SORCS2: variants seen among roughly 807,000 people sequenced by gnomAD.
SORCS2 encodes the protein VPS10 domain-containing receptor SorCS2.
In SORCS2, 100 loss-of-function variants were observed where a neutral mutation model predicts 141.6. The ratio of observed to expected loss-of-function variants is 0.71; its 90% CI spans 0.60 to 0.83. SORCS2 has a LOEUF of 0.83. Ranked by LOEUF, SORCS2 falls within the 40% of genes least tolerant of loss-of-function variation. The probability of loss-of-function intolerance (pLI) is 0.00; values close to 1 mark genes in which losing one functional copy is unlikely to be tolerated. For synonymous variants in SORCS2, 789 were observed against 676.9 expected, an observed-to-expected ratio of 1.17 and a Z score of -2.57; for missense variants, 1,646 against 1,560.2, an observed-to-expected ratio of 1.05 and a Z score of -0.93.
At chr4:7,682,682 A>G (rs955200340) in intron 9 of SORCS2, 61 bp from the exon 10 acceptor site, 1 of 1,515,226 alleles carries the variant, frequency 6.6e-7, no homozygotes, top group Middle Eastern at 1.7e-4. Context: ...AGCATGGTGG[A>G]TACTTGGTCA....
At chr4:7,471,365 A>G (rs1248982457) in intron 2 of SORCS2, among the ~76,000 whole-genome samples, 1 of 152,208 alleles carries the variant, frequency 6.6e-6, no homozygotes, top group African/African-American at 2.4e-5. Context: ...TATCTTTTCA[A>G]TTAAATCCTC....
intron 1 of SORCS2, among the ~76,000 whole-genome samples, chr4:7,328,018 CTTTTTT>C (rs60976971): frequency 4.5e-5 from 4 of 88,754 alleles, no homozygotes; most frequent in Non-Finnish European, 6.7e-5. Context: ...TCGTGCTAGG[CTTTTTT>C]TTTTTTTTTT....
chr4:7,653,196 C>A (rs1423143094), intron 4 of SORCS2, among the ~76,000 whole-genome samples: 1 of 152,232 alleles, frequency 6.6e-6, no homozygotes, highest in Non-Finnish European at 1.5e-5. Flanking sequence ...TCAGCCCAAC[C>A]CATGCTCTCT....
chr4:7,319,086 G>A (rs1261770380), intron 1 of SORCS2, among the ~76,000 whole-genome samples: 6 of 152,152 alleles, frequency 3.9e-5, no homozygotes, highest in African/African-American at 7.2e-5. Context: ...TTACTGAGGA[G>A]CAGTATTCCA....
chr4:7,409,722 G>A (rs1423543505), intron 2 of SORCS2, among the ~76,000 whole-genome samples: 1 of 152,208 alleles, frequency 6.6e-6, no homozygotes, highest in Non-Finnish European at 1.5e-5. Context: ...GGATGTGGAA[G>A]TCCAATTTTC....
chr4:7,539,251 C>T (rs548665350), intron 3 of SORCS2, among the ~76,000 whole-genome samples: 8 of 152,320 alleles, frequency 5.3e-5, no homozygotes, highest in African/African-American at 1.9e-4. Context: ...GGCACAGATC[C>T]TGGAGCTGTG....
At chr4:7,627,200 G>C (rs1001275256) in intron 3 of SORCS2, among the ~76,000 whole-genome samples, 72 of 152,232 alleles carry the variant, frequency 4.7e-4, no homozygotes, top group African/African-American at 1.7e-3. Context: ...GCCCAGGCTG[G>C]TCTCAAACTC....
At chr4:7,321,384 A>G (rs1718884612) in intron 1 of SORCS2, among the ~76,000 whole-genome samples, 1 of 152,166 alleles carries the variant, frequency 6.6e-6, no homozygotes, top group South Asian at 2.1e-4. Context: ...TTAAGACTCC[A>G]CCAAAAGACT....
intron 2 of SORCS2, among the ~76,000 whole-genome samples, chr4:7,494,208 C>T (rs962545822): frequency 3.9e-5 from 6 of 152,330 alleles, no homozygotes; most frequent in South Asian, 2.1e-4. Flanking sequence ...ACTTCCCATA[C>T]GATGACAGAC....
chr4:7,198,455 A>C (rs927446025), intron 1 of SORCS2, among the ~76,000 whole-genome samples: 3 of 151,926 alleles, frequency 2.0e-5, no homozygotes, highest in Non-Finnish European at 4.4e-5. Context: ...GCTGTGCGTT[A>C]CTCTGGAATT....
intron 3 of SORCS2, among the ~76,000 whole-genome samples, chr4:7,594,620 T>A (rs1717138494): frequency 6.6e-6 from 1 of 152,028 alleles, no homozygotes; most frequent in African/African-American, 2.4e-5. Flanking sequence ...CTTCTCTCCC[T>A]CCCTTCCTAA....
At chr4:7,631,667 G>A (rs1159702579) in intron 3 of SORCS2, among the ~76,000 whole-genome samples, 1 of 152,122 alleles carries the variant, frequency 6.6e-6, no homozygotes, top group Non-Finnish European at 1.5e-5. Context: ...AAATCCCATG[G>A]GGTTCAGCTC....
intron 3 of SORCS2, among the ~76,000 whole-genome samples, chr4:7,570,493 T>C (rs938649349): frequency 6.6e-6 from 1 of 152,346 alleles, no homozygotes; most frequent in African/African-American, 2.4e-5. Context: ...GACCTTGGTG[T>C]GTGTCCCCAT....
intron 1 of SORCS2, among the ~76,000 whole-genome samples, chr4:7,195,171 GGTGT>G (rs59264911): frequency 0.035 from 4,931 of 142,556 alleles, 78 homozygotes; most frequent in Non-Finnish European, 0.044. Context: ...ACTGCTGGCA[GGTGT>G]GTGTGTGTGT....
intron 3 of SORCS2, among the ~76,000 whole-genome samples, chr4:7,635,073 G>A (rs982247722): frequency 2.0e-5 from 3 of 152,236 alleles, no homozygotes; most frequent in Admixed American, 2.0e-4. Flanking sequence ...ACAAAGCGTG[G>A]CATTTGGAGA....
At chr4:7,351,162 C>A (rs1336629671) in intron 1 of SORCS2, among the ~76,000 whole-genome samples, 2 of 152,222 alleles carry the variant, frequency 1.3e-5, no homozygotes, top group Non-Finnish European at 2.9e-5. Flanking sequence ...GTGGAAGCCC[C>A]TGGCCCTCTG....
chr4:7,277,767 C>T (rs73083719), intron 1 of SORCS2, among the ~76,000 whole-genome samples: 1,543 of 152,314 alleles, frequency 0.01, 28 homozygotes, highest in African/African-American at 0.035. Context: ...GCCTGCCTAC[C>T]GTGCCCGTCC....
chr4:7,517,207 G>C (rs1190716285), intron 2 of SORCS2, among the ~76,000 whole-genome samples: 1 of 152,198 alleles, frequency 6.6e-6, no homozygotes, highest in Non-Finnish European at 1.5e-5. Flanking sequence ...TAGCTAGTCA[G>C]TGTTGCCGTT....
chr4:7,196,955 T>A (rs933641377), intron 1 of SORCS2, among the ~76,000 whole-genome samples: 1 of 152,176 alleles, frequency 6.6e-6, no homozygotes, highest in Non-Finnish European at 1.5e-5. Flanking sequence ...ATCTGCCAGG[T>A]GTCGAGTTCC....
Sources: allele counts gnomAD v4.1 joint callset (sites outside exome capture counted in the v4.1 genomes callset), GRCh38; gene constraint gnomAD v4.1.1; transcripts MANE v1.5; gene names NCBI Gene and HGNC (gene_info 2026-07-23, HGNC 2026-07-21).